The following SLC44A3 variants were observed in gnomAD, a reference collection of about 807,000 sequenced individuals.
SLC44A3 encodes choline transporter-like protein 3.
In SLC44A3, 74 loss-of-function variants were observed where a neutral mutation model predicts 75.4. The ratio of observed to expected loss-of-function variants is 0.98; its 90% confidence interval spans 0.81 to 1.19. The LOEUF (loss-of-function observed/expected upper bound fraction) is 1.19. Ranked by LOEUF, SLC44A3 falls within the 50% of genes most tolerant of loss-of-function variation. SLC44A3 has a pLI of 0.00. For synonymous variants in SLC44A3, 310 were observed against 296.9 expected (o/e 1.04, Z -0.45); for missense variants, 700 against 778.6 (o/e 0.90, Z 1.20).
In SLC44A3 at chr1:94,895,108, A is replaced by G. The variant is rs1670628016; in HGVS notation, c.*186A>G. The stretch of plus-strand genomic sequence containing the variant: ...AACAATACTGGAACTATATTAGTTT[A>G]CCTTTTTTTGTACAAATTAGGACAG... On this transcript the variant is annotated 3_prime_UTR_variant, in exon 15 of 15. Transcript: ENST00000271227. 1 of 530,796 alleles carries G rather than the reference A, an allele frequency of 1.9e-6. No individual in the cohort carries two copies. Among genetic ancestry groups the G allele is most frequent in the African/African-American group, 1.9e-5 (1 of 52,982 alleles). 32.9% of individuals were successfully genotyped at this position (530,796 alleles called of 1,614,324 possible). A position where few individuals can be genotyped will look rare whatever the true frequency, so the allele number is the denominator to read the frequency against.
At chr1:94,825,113 C>G (rs541963149) in intron 3 of SLC44A3, among the ~76,000 whole-genome samples, 1 of 152,180 alleles carries the variant, frequency 6.6e-6, no homozygotes, top group African/African-American at 2.4e-5. Context: ...CTGTGTCCCA[C>G]CCCTGCCCCA....
intron 5 of SLC44A3, among the ~76,000 whole-genome samples, chr1:94,835,143 T>A (rs3908764): frequency 0.54 from 81,727 of 152,002 alleles, 22,084 homozygotes; most frequent in East Asian, 0.69. Context: ...ACGAGAAACA[T>A]GGAAAAACTA....
chr1:94,872,067 T>A (rs116760513), intron 12 of SLC44A3, among the ~76,000 whole-genome samples: 1 of 152,218 alleles, frequency 6.6e-6, no homozygotes, highest in Admixed American at 6.5e-5. Flanking sequence ...CTTGTCTTGA[T>A]GTTTTACTTC....
At chr1:94,834,629 C>T (rs112439181) in intron 5 of SLC44A3, among the ~76,000 whole-genome samples, 1,994 of 152,118 alleles carry the variant, frequency 0.013, 43 homozygotes, top group African/African-American at 0.046. Context: ...GGATTACAGG[C>T]ACCCACCACG....
intron 12 of SLC44A3, among the ~76,000 whole-genome samples, chr1:94,879,838 CAAAAA>C (rs763642670): frequency 1.6e-5 from 1 of 60,838 alleles, no homozygotes; most frequent in Non-Finnish European, 3.6e-5. Context: ...GATTCTGTCT[CAAAAA>C]AAAAAAAAAA....
At chr1:94,848,533 C>T (rs1186028376) in intron 9 of SLC44A3, among the ~76,000 whole-genome samples, 1 of 152,186 alleles carries the variant, frequency 6.6e-6, no homozygotes, top group African/African-American at 2.4e-5. Context: ...CTGGCCCAGC[C>T]AGGGGGCCCC....
Position 94,864,885 on chromosome 1 carries a change from G to T in SLC44A3, c.1381G>T (p.Ala461Ser). The part of the protein sequence containing the change: ...PRIIVMYMQN[A>S]LKEQQHGALS... ...AATCATTGTCATGTACATGCAAAAC[G>T]CACTGAAAGAACAGGTAAGGCTACC... Residue 461 changes from alanine to serine, a missense_variant, in exon 11 of 15, where the codon GCA becomes TCA. Physicochemically the swap from Ala to Ser is moderately conservative, Grantham distance 99. Transcript: ENST00000271227. 3 of 1,613,552 alleles carry T rather than the reference G, an allele frequency of 1.9e-6. No homozygotes were observed. Among genetic ancestry groups the T allele is most frequent in the Non-Finnish European group, 2.5e-6 (3 of 1,179,780 alleles).
At chr1:94,858,421 C>G (rs1011063455) in intron 10 of SLC44A3, among the ~76,000 whole-genome samples, 2 of 152,106 alleles carry the variant, frequency 1.3e-5, no homozygotes, top group Non-Finnish European at 2.9e-5. Context: ...ACACACACAC[C>G]CCTGAACGCT....
intron 12 of SLC44A3, among the ~76,000 whole-genome samples, chr1:94,871,419 C>A (rs538915013): frequency 2.6e-5 from 4 of 152,300 alleles, no homozygotes; most frequent in East Asian, 3.9e-4. Flanking sequence ...GGCAAAGGGA[C>A]CTTACAGCCT....
intron 12 of SLC44A3, among the ~76,000 whole-genome samples, chr1:94,875,359 A>G (rs578239360): frequency 1.3e-5 from 2 of 152,340 alleles, no homozygotes; most frequent in Non-Finnish European, 1.5e-5. Context: ...GTAGGGACTC[A>G]GAAGCCCAGA....
chr1:94,835,615 T>C (rs1056654983), intron 5 of SLC44A3, among the ~76,000 whole-genome samples: 1 of 152,252 alleles, frequency 6.6e-6, no homozygotes, highest in African/African-American at 2.4e-5. Flanking sequence ...AACTCTTTTA[T>C]GCTCTCAGCA....
intron 12 of SLC44A3, among the ~76,000 whole-genome samples, chr1:94,874,041 C>A (rs1668029185): frequency 1.3e-5 from 2 of 152,118 alleles, no homozygotes; most frequent in Non-Finnish European, 2.9e-5. Context: ...TGGAGAGATG[C>A]CTCGTGTGTG....
intron 9 of SLC44A3, among the ~76,000 whole-genome samples, chr1:94,853,532 G>T (rs2101195261): frequency 1.3e-5 from 2 of 152,328 alleles, no homozygotes; most frequent in Middle Eastern, 6.8e-3. Flanking sequence ...TGTTCACACA[G>T]GTTAGAAAGA....
intron 10 of SLC44A3, among the ~76,000 whole-genome samples, chr1:94,863,487 G>T (rs1468701555): frequency 6.6e-6 from 1 of 151,700 alleles, no homozygotes; most frequent in Non-Finnish European, 1.5e-5. Flanking sequence ...ACCATAATAA[G>T]TTCTAAGGCA....
intron 9 of SLC44A3, among the ~76,000 whole-genome samples, chr1:94,848,645 G>A (rs1347098364): frequency 2.6e-5 from 4 of 152,110 alleles, no homozygotes; most frequent in Non-Finnish European, 5.9e-5. Context: ...GTATTTGGTG[G>A]GCACTGTGGG....
At chr1:94,872,681 G>T (rs1057057054) in intron 12 of SLC44A3, among the ~76,000 whole-genome samples, 10 of 152,224 alleles carry the variant, frequency 6.6e-5, no homozygotes, top group African/African-American at 2.4e-4. Flanking sequence ...GAAAGGGTTA[G>T]ATTCAGTGAC....
intron 12 of SLC44A3, among the ~76,000 whole-genome samples, chr1:94,876,609 A>G (rs859088): frequency 0.68 from 102,736 of 152,108 alleles, 35,374 homozygotes; most frequent in Non-Finnish European, 0.74. Context: ...AATACATGCC[A>G]CTTTGATTTA....
At chr1:94,894,076 CAG>C (rs1298967500) in intron 14 of SLC44A3, among the ~76,000 whole-genome samples, 1 of 151,992 alleles carries the variant, frequency 6.6e-6, no homozygotes, top group Non-Finnish European at 1.5e-5. Context: ...GCCTGGGCGA[CAG>C]AGGGTGACTC....
intron 9 of SLC44A3, among the ~76,000 whole-genome samples, chr1:94,850,133 C>A (rs1178138137): frequency 6.6e-6 from 1 of 152,002 alleles, no homozygotes; most frequent in Non-Finnish European, 1.5e-5. Flanking sequence ...CCCAGATGGG[C>A]TATTTTTCTA....
Sources: gnomAD v4.1 joint callset for allele counts (sites outside exome capture counted in the v4.1 genomes callset) on GRCh38, gnomAD v4.1.1 for gene constraint, MANE v1.5 for transcripts, NCBI Gene and HGNC (gene_info 2026-07-23, HGNC 2026-07-21) for gene names.